Variants in LEMD3 observed in about 807,000 individuals in gnomAD.
The protein encoded by LEMD3 is LEM domain containing 3.
In LEMD3, 33 loss-of-function variants were observed where a neutral mutation model predicts 95.2. That is an observed-to-expected ratio of 0.35 (90% CI 0.26 to 0.46). The LOEUF is 0.46. Ranked by LOEUF, LEMD3 falls within the 20% of genes least tolerant of loss-of-function variation. LEMD3 has a pLI of 1.00. For missense variants in LEMD3, 1,210 were observed against 1,192.8 expected (o/e 1.01, Z -0.21); for synonymous variants, 525 against 474.6 (o/e 1.11, Z -1.38).
chr12:65,199,865 G>A (rs1240285887), intron 1 of LEMD3, among the ~76,000 whole-genome samples: 1 of 151,982 alleles, frequency 6.6e-6, no homozygotes, highest in Non-Finnish European at 1.5e-5. Context: ...TCCAAAGTTG[G>A]CTGTACCATT....
rs567262709 is a variant in LEMD3, at chr12:65,205,307, C to G, written c.1523-5619C>G. Among the ~76,000 whole-genome samples, 68 of 152,210 alleles carry G rather than the reference C, an allele frequency of 4.5e-4. No homozygotes were observed. In the South Asian group the frequency reaches 9.3e-3, roughly 21 times the overall value. On this transcript the variant is annotated intron_variant, in intron 1 of 12. Coordinates refer to ENST00000308330, the MANE Select transcript of LEMD3 (RefSeq NM_014319.5). ...ACCATATCAGTCTGATAACAGTTTT[C>G]TGCCCCCCTCAAGAATCTCCATTTT...
intron 4 of LEMD3, among the ~76,000 whole-genome samples, chr12:65,219,678 G>A (rs1870222577): frequency 6.6e-6 from 1 of 152,106 alleles, no homozygotes; most frequent in Admixed American, 6.5e-5. Context: ...TTGTATGACT[G>A]AAACTCTATA....
chr12:65,237,485 GA>G (rs1162560491), intron 4 of LEMD3, among the ~76,000 whole-genome samples: 2 of 152,160 alleles, frequency 1.3e-5, no homozygotes, highest in African/African-American at 4.8e-5. Flanking sequence ...TTGCAATGTG[GA>G]ATGTCAGACT....
intron 1 of LEMD3, among the ~76,000 whole-genome samples, chr12:65,202,875 C>T (rs1197404519): frequency 1.3e-5 from 2 of 152,096 alleles, no homozygotes; most frequent in African/African-American, 4.8e-5. Context: ...CTTTTAATAT[C>T]CATGGGATCC....
chr12:65,218,674 A>T, intron 4 of LEMD3, 55 bp downstream of exon 4: 3 of 977,322 alleles, frequency 3.1e-6, no homozygotes, highest in Non-Finnish European at 4.7e-6. Flanking sequence ...TATATAAATC[A>T]TTGCTACTTG....
rs767566947 is a variant in LEMD3, at chr12:65,241,013, T to C, written c.2231T>C (p.Val744Ala). The change falls in exon 9 of 13, where the codon GTT (valine) becomes GCT (alanine). Residue 744 changes from valine to alanine, a missense_variant. Physicochemically the swap from Val to Ala is moderately conservative, Grantham distance 64. This residue lies in a region of LEMD3 where 461 missense variants were observed against 569.8 expected (regional missense o/e 0.81). Transcript: ENST00000308330. ...AGAATAGGTGGTGCAGATTTTCTGG[T>C]TTGGCGGTGGATCCAGCCTTCTGCA... ...TRRIGGADFL[V>A]WRWIQPSASC... The C allele has an allele frequency of 1.9e-6, 3 of 1,614,066 alleles. No individual in the cohort carries two copies. The highest frequency in any genetic ancestry group is 2.5e-6 in the Non-Finnish European group (3 of 1,179,956).
chr12:65,225,265 TG>T (rs1870412404), intron 4 of LEMD3, among the ~76,000 whole-genome samples: 1 of 152,190 alleles, frequency 6.6e-6, no homozygotes, highest in African/African-American at 2.4e-5. Context: ...CATGTTTTCA[TG>T]GTTCTTCATG....
chr12:65,182,100 C>T lies in LEMD3; in HGVS notation c.1522+10982C>T, dbSNP rs1592431722. On this transcript the variant is annotated intron_variant, in intron 1 of 12. Transcript: ENST00000308330. ...GTTACAAGTGATTTGTCCAAGGTCCCACAGCTACTAGGTGTTGGAGCCAGC... is the reference window on the plus strand; with the variant it reads ...GTTACAAGTGATTTGTCCAAGGTCCTACAGCTACTAGGTGTTGGAGCCAGC... 5.9e-5 allele frequency among the ~76,000 whole-genome samples: 9 copies of T among 152,164 alleles called. 1 individual carries two copies. In the South Asian group the frequency reaches 1.9e-3, roughly 32 times the overall value.
At chr12:65,243,832 A>G (rs1249215726) in intron 10 of LEMD3, among the ~76,000 whole-genome samples, 2 of 152,222 alleles carry the variant, frequency 1.3e-5, no homozygotes, top group Admixed American at 6.5e-5. Flanking sequence ...TATAGATACA[A>G]TCACTGCTGC....
At chr12:65,200,027 G>A (rs1265978547) in intron 1 of LEMD3, among the ~76,000 whole-genome samples, 1 of 151,510 alleles carries the variant, frequency 6.6e-6, no homozygotes, top group Non-Finnish European at 1.5e-5. Context: ...GAACAGAGGG[G>A]TTGGGGGTGC....
chr12:65,190,628 G>T (rs575778335), intron 1 of LEMD3, among the ~76,000 whole-genome samples: 1 of 152,142 alleles, frequency 6.6e-6, no homozygotes, highest in African/African-American at 2.4e-5. Flanking sequence ...TACATGTTTC[G>T]ATTGATGTAT....
At chr12:65,200,024 G>C (rs1464313185) in intron 1 of LEMD3, among the ~76,000 whole-genome samples, 1 of 151,664 alleles carries the variant, frequency 6.6e-6, no homozygotes, top group Non-Finnish European at 1.5e-5. Flanking sequence ...AGGGAACAGA[G>C]GGGTTGGGGG....
At chr12:65,235,766 T>C (rs1214187619) in intron 4 of LEMD3, among the ~76,000 whole-genome samples, 2 of 152,186 alleles carry the variant, frequency 1.3e-5, no homozygotes, top group Non-Finnish European at 2.9e-5. Context: ...TATATATAAA[T>C]TAAATGTTGT....
Position 65,170,305 on chromosome 12 carries a change from C to G in LEMD3, c.709C>G (p.Pro237Ala). The change falls in exon 1 of 13, where the codon CCG becomes GCG. Residue 237 changes from proline (P) to alanine (A), a missense_variant. Pro to Ala is a conservative substitution (Grantham distance 27). This residue lies in a region of LEMD3 where 749 missense variants were observed against 622.9 expected (regional missense o/e 1.20). Transcript: ENST00000308330. Reference protein sequence around the residue: ...GEERDPETEEPLWASRTVNGS... With the variant: ...GEERDPETEEALWASRTVNGS... Reference sequence around the variant, plus strand: ...GGAGAGGGACCCGGAGACCGAGGAGCCGCTCTGGGCGAGCCGGACCGTGAA... The same window carrying G: ...GGAGAGGGACCCGGAGACCGAGGAGGCGCTCTGGGCGAGCCGGACCGTGAA... The G allele has an allele frequency of 6.3e-7, 1 of 1,586,442 alleles. No individual in the cohort carries two copies. The highest frequency in any genetic ancestry group is 8.6e-7 in the Non-Finnish European group (1 of 1,166,428).
intron 4 of LEMD3, among the ~76,000 whole-genome samples, chr12:65,237,493 G>C (rs556468275): frequency 6.6e-6 from 1 of 152,336 alleles, no homozygotes; most frequent in African/African-American, 2.4e-5. Context: ...TGGAATGTCA[G>C]ACTGTGCCAG....
At chr12:65,201,552 A>T (rs908319551) in intron 1 of LEMD3, among the ~76,000 whole-genome samples, 4 of 152,110 alleles carry the variant, frequency 2.6e-5, no homozygotes, top group Non-Finnish European at 5.9e-5. Context: ...GGAGGATGCT[A>T]ATGTAAATGG....
intron 1 of LEMD3, among the ~76,000 whole-genome samples, chr12:65,193,825 T>C (rs534607654): frequency 4.0e-5 from 6 of 151,370 alleles, no homozygotes; most frequent in African/African-American, 1.2e-4. Flanking sequence ...AGCTACCTAC[T>C]GTAACAAGGC....
At chr12:65,177,625 A>G (rs1193117070) in intron 1 of LEMD3, among the ~76,000 whole-genome samples, 5 of 152,138 alleles carry the variant, frequency 3.3e-5, no homozygotes, top group African/African-American at 1.2e-4. Context: ...AGTACTGTTT[A>G]CTAAGGGAAT....
chr12:65,218,008 C>T (rs1262348596), intron 3 of LEMD3, among the ~76,000 whole-genome samples: 1 of 152,174 alleles, frequency 6.6e-6, no homozygotes, highest in African/African-American at 2.4e-5. Context: ...TTAAGGCATG[C>T]ACACCCCTTG....
Sources: allele counts gnomAD v4.1 joint callset (sites outside exome capture counted in the v4.1 genomes callset), GRCh38; gene constraint gnomAD v4.1.1; regional missense constraint gnomAD v4.1.1; transcripts MANE v1.5; gene names NCBI Gene and HGNC (gene_info 2026-07-23, HGNC 2026-07-21).